CPT1B: variants seen among roughly 807,000 people sequenced by gnomAD.
CPT1B encodes carnitine O-palmitoyltransferase 1, muscle isoform.
Under a neutral mutation model 92.7 loss-of-function variants are expected in CPT1B, and 57 were observed. The ratio of observed to expected loss-of-function variants is 0.62; its 90% CI spans 0.50 to 0.77. The LOEUF (loss-of-function observed/expected upper bound fraction) is 0.77, where lower values mean the gene tolerates loss of function less well. Ranked by LOEUF, CPT1B falls within the 30% of genes least tolerant of loss-of-function variation. CPT1B has a pLI of 0.00. For synonymous variants in CPT1B, 398 were observed against 383.5 expected (o/e 1.04, Z -0.44); for missense variants, 983 against 1,017.4 (o/e 0.97, Z 0.46).
chr22:50,573,372 G>C lies in CPT1B; in HGVS notation c.1166+148C>G, dbSNP rs2070277780. The C allele has an allele frequency of 1.4e-6, 1 of 733,818 alleles. No homozygotes were observed. Among genetic ancestry groups the C allele is most frequent in the South Asian group, 1.8e-5 (1 of 54,172 alleles). The allele number at this position is 733,818 out of a possible 1,614,324, so 45.5% of individuals were successfully genotyped here. On this transcript the variant is annotated intron_variant, in intron 10 of 19. Transcript: ENST00000312108. This position sits in a 1 kb window ranked among gnomAD's most constrained non-coding sequence, Gnocchi z 5.0. ...CTGCCACCCGTCAGAGGTAGGTTAT[G>C]CTGGCTGTCCTGCTGCCATGACCAC... is the stretch of plus-strand genomic sequence containing the variant.
chr22:50,575,267 C>T (rs926091246), intron 7 of CPT1B, among the ~76,000 whole-genome samples: 2 of 152,318 alleles, frequency 1.3e-5, no homozygotes, highest in African/African-American at 2.4e-5. Context: ...CCTCGGCCTC[C>T]CAAAGTGCTG....
Position 50,576,333 on chromosome 22 carries a change from GTA to G in CPT1B, c.562_563del (p.Tyr188ProfsTer10). 1 of 1,613,966 alleles carries G rather than the reference GTA, an allele frequency of 6.2e-7. No individual in the cohort carries two copies. The highest frequency in any genetic ancestry group is 1.1e-5 in the South Asian group (1 of 91,080). The stretch of plus-strand genomic sequence containing the variant: ...CCAACAAGGGGCGCACAGACTCTAG[GTA>G]CTGTCCAGCCAGTTATCATCACCGT... ...VPRVSATIQR[Y>X]LESVRPLLDD... is the part of the protein sequence containing the mutation. On this transcript the variant is annotated frameshift_variant and splice_region_variant, in exon 6 of 20. Transcript: ENST00000312108. LOFTEE classifies it high-confidence loss of function.
chr22:50,575,373 G>A (rs950296878), intron 7 of CPT1B, among the ~76,000 whole-genome samples: 37 of 152,216 alleles, frequency 2.4e-4, no homozygotes, highest in Admixed American at 7.9e-4. Context: ...TGATAAAGGG[G>A]TTCTACCACT....
Position 50,573,280 on chromosome 22 carries a change from G to A in CPT1B, c.1167-220C>T, listed in dbSNP as rs1474872917. Among the ~76,000 whole-genome samples, 1 of 150,972 alleles carries A rather than the reference G, an allele frequency of 6.6e-6. No homozygotes were observed. The highest frequency in any genetic ancestry group is 2.0e-4 in the East Asian group (1 of 5,110). On this transcript the variant is annotated intron_variant, in intron 10 of 19. Coordinates refer to ENST00000312108, the MANE Select transcript of CPT1B (RefSeq NM_152246.3). The surrounding 1 kb of genome is among the most constrained non-coding windows in gnomAD (Gnocchi z 5.0). ...GAGGTGGGGGTGTGTGTGCCAGGCT[G>A]GGCCTGGAGGTGGGGGGTGCCAAGC...
chr22:50,570,431 A>C, intron 16 of CPT1B, 25 bp from the exon 17 acceptor site: 1 of 1,532,086 alleles, frequency 6.5e-7, no homozygotes, highest in Non-Finnish European at 8.9e-7. Context: ...ACAGCTGGTC[A>C]GAGGCCACAT....
chr22:50,569,708 C>A, intron 17 of CPT1B, 40 bp from the exon 18 acceptor site: 1 of 1,516,820 alleles, frequency 6.6e-7, no homozygotes, highest in Non-Finnish European at 9.2e-7. Flanking sequence ...ATAAATCAAA[C>A]CTTGAAGATC....
At position 50,577,734 on chromosome 22, in the gene CPT1B, C is replaced by G. The variant is rs377223725; in HGVS notation, c.141+41G>C. 44 of 1,601,914 alleles carry G rather than the reference C, an allele frequency of 2.7e-5. No individual in the cohort carries two copies. In the African/African-American group the frequency reaches 4.7e-4, roughly 17 times the overall value. On this transcript the variant is annotated intron_variant, in intron 2 of 19. Coordinates refer to ENST00000312108, the MANE Select transcript of CPT1B (RefSeq NM_152246.3). The stretch of plus-strand genomic sequence containing the variant: ...TAACAAAGCGCTTAACAGCTGACAG[C>G]CGGCCTCTGCCTACGCTCTGGGAGA...
In CPT1B at chr22:50,577,014, G is replaced by C. The variant is rs761189859; in HGVS notation, c.302C>G (p.Pro101Arg). 2.2e-5 allele frequency: 35 copies of C among 1,613,906 alleles called. No homozygotes were observed. The highest frequency in any genetic ancestry group is 1.7e-6 in the Non-Finnish European group (2 of 1,180,014). The change falls in exon 4 of 20, where the codon CCG becomes CGG. Residue 101 changes from proline (P) to arginine (R), a missense_variant. By Grantham distance (103) the Pro-to-Arg change is moderately radical. Transcript: ENST00000312108. ...LPQGCGPYQT[P>R]QTRALLSMAI... ...CATGCTGAGAAGTGCCCGGGTCTGC[G>C]GGGTCTGGTAGGGGCCACACCTATT...
chr22:50,576,015 C>G lies in CPT1B; in HGVS notation c.777+20G>C. On this transcript the variant is annotated intron_variant, in intron 7 of 19. Coordinates refer to ENST00000312108, the MANE Select transcript of CPT1B (RefSeq NM_152246.3). ...GACAGAGCTGAGCACGTGCGGGGACCTGGGGGCTCTAGTTCATACCATGAC... is the reference window on the plus strand; with the variant it reads ...GACAGAGCTGAGCACGTGCGGGGACGTGGGGGCTCTAGTTCATACCATGAC... The G allele has an allele frequency of 6.2e-7, 1 of 1,612,870 alleles. No individual in the cohort carries two copies. Among genetic ancestry groups the G allele is most frequent in the Non-Finnish European group, 8.5e-7 (1 of 1,178,938 alleles).
At chr22:50,578,084 C>G (rs1449970328) in intron 1 of CPT1B, 150 bp from the exon 2 acceptor site, 1 of 304,966 alleles carries the variant, frequency 3.3e-6, no homozygotes, top group Non-Finnish European at 5.2e-6. Context: ...CCAGGCCAAC[C>G]GCCGCCAAAT....
chr22:50,570,293 A>C lies in CPT1B; in HGVS notation c.2142T>G (p.Pro714=). 6.4e-7 allele frequency: 1 copy of C among 1,561,106 alleles called. No individual in the cohort carries two copies. The highest frequency in any genetic ancestry group is 8.7e-7 in the Non-Finnish European group (1 of 1,149,546). ...ACCCACCCCCTTCAGGAGCACTCACAGGGCCAAAGCCACCTCCAGCGCCCA... is the reference window on the plus strand; with the variant it reads ...ACCCACCCCCTTCAGGAGCACTCACCGGGCCAAAGCCACCTCCAGCGCCCA... ...NHLGAGGGFG[P]VADDGYGVSY... is the part of the protein sequence containing the mutation. The change falls in exon 17 of 20, where the codon CCT becomes CCG. Residue 714 remains proline (P), a splice_region_variant and synonymous_variant. Transcript: ENST00000312108.
In CPT1B at chr22:50,576,754, G is replaced by C. The variant is rs2146639209; in HGVS notation, c.459+103C>G. ...CCCCTCCAGGACAAACCACACACCA[G>C]GCACCAGTGCCCTGTCTGCCTCTCC... On this transcript the variant is annotated intron_variant, in intron 4 of 19. Transcript: ENST00000312108. 2.8e-5 allele frequency: 44 copies of C among 1,552,848 alleles called. No homozygotes were observed. The South Asian group carries it at 4.8e-4, about 17-fold the overall frequency.
Position 50,573,719 on chromosome 22 carries a change from T to G in CPT1B, c.971-4A>C, listed in dbSNP as rs1178228920. ...TCTGAGAGGTGCTGTAGCACATCTG[T>G]GATACAGGCCACGGGCAAGCTGAGG... On this transcript the variant is annotated splice_region_variant and splice_polypyrimidine_tract_variant and intron_variant, in intron 9 of 19. Transcript: ENST00000312108. This position sits in a 1 kb window ranked among gnomAD's most constrained non-coding sequence, Gnocchi z 5.0. 6.2e-7 allele frequency: 1 copy of G among 1,611,016 alleles called. No homozygotes were observed. Among genetic ancestry groups the G allele is most frequent in the Non-Finnish European group, 8.5e-7 (1 of 1,178,808 alleles).
intron 1 of CPT1B, 90 bp from the exon 2 acceptor site, chr22:50,578,024 T>C (rs2070547690): frequency 2.3e-6 from 2 of 868,976 alleles, no homozygotes; most frequent in South Asian, 5.4e-5. Context: ...CCGCGACCCC[T>C]CGCGCCCCCC....
Position 50,574,408 on chromosome 22 carries a change from C to T in CPT1B, c.897G>A (p.Leu299=). The part of the protein sequence containing the change: ...DREEIKPVMA[L]GIVPMCSYQM... Reference sequence around the variant, plus strand: ...GGTAGGAGCACATAGGCACTATGCCCAGTGCCATCACCTGAGGGAAGGCCC... The same window carrying T: ...GGTAGGAGCACATAGGCACTATGCCTAGTGCCATCACCTGAGGGAAGGCCC... Residue 299 remains leucine (L), a synonymous_variant, in exon 9 of 20, where the codon CTG becomes CTA. Coordinates refer to ENST00000312108, the MANE Select transcript of CPT1B (RefSeq NM_152246.3). 6.2e-7 allele frequency: 1 copy of T among 1,613,986 alleles called. No homozygotes were observed. The highest frequency in any genetic ancestry group is 2.2e-5 in the East Asian group (1 of 44,892).
In CPT1B at chr22:50,577,796, C is replaced by T. The variant is rs367742672; in HGVS notation, c.120G>A (p.Lys40=). ...GCACCTTGATGCGGATCAGGCGTTT[C>T]TTCCAGGAGTTGATCCCAGACAGGT... The part of the protein sequence containing the change: ...HVYLSGINSW[K]KRLIRIKNGI... Residue 40 remains lysine (K), a synonymous_variant, in exon 2 of 20, where the codon AAG becomes AAA. Transcript: ENST00000312108. The T allele has an allele frequency of 1.3e-5, 21 of 1,613,770 alleles. 1 individual carries two copies. Among genetic ancestry groups the T allele is most frequent in the Non-Finnish European group, 1.5e-5 (18 of 1,179,860 alleles).
chr22:50,577,160 A>C lies in CPT1B; in HGVS notation c.282-126T>G, dbSNP rs903332791. ...GGCACACTCATGTCTGACTGCATCA[A>C]ATGAGCGGATGTAGGGCTAAGACAA... is the stretch of plus-strand genomic sequence containing the variant. On this transcript the variant is annotated intron_variant, in intron 3 of 19. Transcript: ENST00000312108. 7.3e-6 allele frequency: 10 copies of C among 1,375,512 alleles called. No homozygotes were observed. In the African/African-American group the frequency reaches 1.0e-4, roughly 14 times the overall value. 85.2% of individuals were successfully genotyped at this position (1,375,512 alleles called of 1,614,324 possible). A position where few individuals can be genotyped will look rare whatever the true frequency, so the allele number is the denominator to read the frequency against.
rs565026078 is a variant in CPT1B at position 50,569,652 on chromosome 22, T to C, written c.2159A>G (p.Tyr720Cys). 6 of 1,613,934 alleles carry C rather than the reference T, an allele frequency of 3.7e-6. No homozygotes were observed. Among genetic ancestry groups the C allele is most frequent in the Non-Finnish European group, 4.2e-6 (5 of 1,179,954 alleles). ...GGFGPVADDG[Y>C]GVSYMIAGEN... is the part of the protein sequence containing the mutation. Reference sequence around the variant, plus strand: ...GCCTGCAATCATGTAGGAAACTCCATAGCCATCATCTGCTACCTGAGGGCA... The same window carrying C: ...GCCTGCAATCATGTAGGAAACTCCACAGCCATCATCTGCTACCTGAGGGCA... Residue 720 changes from tyrosine (Y) to cysteine (C), a missense_variant, in exon 18 of 20, where the codon TAT (tyrosine) becomes TGT (cysteine). By Grantham distance (194) the Tyr-to-Cys change is radical. Coordinates refer to ENST00000312108, the MANE Select transcript of CPT1B (RefSeq NM_152246.3).
intron 7 of CPT1B, 54 bp downstream of exon 7, chr22:50,575,981 T>TGGAGCTGGGAC: frequency 1.9e-6 from 3 of 1,557,316 alleles, no homozygotes; most frequent in Non-Finnish European, 2.7e-6. Context: ...TCCCTTGCCT[T>TGGAGCTGGGAC]GGAGCTGGGA....
Sources: gnomAD v4.1 joint callset for allele counts (sites outside exome capture counted in the v4.1 genomes callset) on GRCh38, gnomAD v4.1.1 for gene constraint, Gnocchi (gnomAD v3.1) non-coding constraint, MANE v1.5 for transcripts, NCBI Gene and HGNC (gene_info 2026-07-23, HGNC 2026-07-21) for gene names.